Variants in ADK observed in about 807,000 individuals in gnomAD.
ADK encodes the protein adenosine kinase.
A neutral mutation model predicts 44.7 loss-of-function variants in ADK; 24 were observed. The ratio of observed to expected loss-of-function variants is 0.54; its 90% CI spans 0.39 to 0.76. The LOEUF (loss-of-function observed/expected upper bound fraction) is 0.76. Among genes scored for constraint, ADK ranks in the 30% least tolerant of loss-of-function variants. ADK has a pLI of 0.00. For synonymous variants in ADK, 128 were observed against 142.6 expected (o/e 0.90, Z 0.73); for missense variants, 321 against 425.1 (o/e 0.76, Z 2.15).
intron 4 of ADK, among the ~76,000 whole-genome samples, chr10:74,377,246 G>T (rs968485239): frequency 2.0e-5 from 3 of 152,194 alleles, no homozygotes; most frequent in African/African-American, 7.2e-5. Flanking sequence ...ATCTGGAAAA[G>T]AGAACTTTAT....
At chr10:74,511,172 G>C (rs1374279463) in intron 6 of ADK, among the ~76,000 whole-genome samples, 3 of 152,132 alleles carry the variant, frequency 2.0e-5, no homozygotes, top group Admixed American at 6.5e-5. Flanking sequence ...TTTTGCTGTA[G>C]ATAATGTGGA....
At chr10:74,425,967 T>A (rs780908721) in intron 6 of ADK, among the ~76,000 whole-genome samples, 1 of 152,190 alleles carries the variant, frequency 6.6e-6, no homozygotes, top group Admixed American at 6.5e-5. Context: ...TGGGGAAATA[T>A]AGAAAGAAAT....
At chr10:74,595,729 TCC>T (rs377744233) in intron 8 of ADK, among the ~76,000 whole-genome samples, 118,853 of 118,942 alleles carry the variant, frequency 1, 59,382 homozygotes, top group Middle Eastern at 1. Flanking sequence ...GTGTGGTGGC[TCC>T]CACGCCTGTA....
chr10:74,582,928 T>A (rs577778548), intron 7 of ADK, among the ~76,000 whole-genome samples: 1 of 152,334 alleles, frequency 6.6e-6, no homozygotes, highest in East Asian at 1.9e-4. Flanking sequence ...GAAATTTCTC[T>A]TAAAAGGGGT....
At chr10:74,295,393 C>G (rs769286925) in intron 3 of ADK, among the ~76,000 whole-genome samples, 1 of 151,318 alleles carries the variant, frequency 6.6e-6, no homozygotes, top group African/African-American at 2.4e-5. Context: ...ACCTGAGAGG[C>G]GGAGGTGGCA....
chr10:74,440,975 A>C (rs149136422), intron 6 of ADK, among the ~76,000 whole-genome samples: 1 of 152,170 alleles, frequency 6.6e-6, no homozygotes, highest in African/African-American at 2.4e-5. Flanking sequence ...GAAGAATAAG[A>C]TCTATTGTAA....
intron 6 of ADK, among the ~76,000 whole-genome samples, chr10:74,524,234 C>G (rs1347561930): frequency 1.3e-5 from 2 of 152,082 alleles, no homozygotes; most frequent in Non-Finnish European, 2.9e-5. Context: ...TGCAGCTTTC[C>G]TGACATGAAA....
At chr10:74,341,708 A>G (rs1005265938) in intron 4 of ADK, among the ~76,000 whole-genome samples, 1 of 152,042 alleles carries the variant, frequency 6.6e-6, no homozygotes, top group African/African-American at 2.4e-5. Flanking sequence ...ACTTGCTTGT[A>G]TAATATAAAT....
At chr10:74,235,966 CT>C (rs1436139255) in intron 3 of ADK, among the ~76,000 whole-genome samples, 1 of 152,168 alleles carries the variant, frequency 6.6e-6, no homozygotes, top group Non-Finnish European at 1.5e-5. Context: ...CAAGAAGTTG[CT>C]GAGCAGAAGC....
intron 3 of ADK, among the ~76,000 whole-genome samples, chr10:74,236,592 T>C (rs978664749): frequency 6.6e-6 from 1 of 152,236 alleles, no homozygotes; most frequent in African/African-American, 2.4e-5. Context: ...GCCAATTTTA[T>C]TGGTATAACA....
chr10:74,453,274 A>G (rs1166361543), intron 6 of ADK, among the ~76,000 whole-genome samples: 1 of 152,144 alleles, frequency 6.6e-6, no homozygotes, highest in Non-Finnish European at 1.5e-5. Context: ...TTTCTGTGTT[A>G]CTAAGAACAT....
intron 6 of ADK, among the ~76,000 whole-genome samples, chr10:74,454,190 C>G (rs1043375673): frequency 3.9e-5 from 6 of 152,038 alleles, no homozygotes; most frequent in African/African-American, 1.4e-4. Context: ...AAAATTGTTT[C>G]AGTTGTTTTC....
chr10:74,547,011 G>A (rs561490247), intron 7 of ADK, among the ~76,000 whole-genome samples: 1 of 151,938 alleles, frequency 6.6e-6, no homozygotes, highest in East Asian at 1.9e-4. Flanking sequence ...TTCCTTGTAG[G>A]GTTTTTCCCA....
chr10:74,704,489 G>T (rs1198282098), intron 10 of ADK, among the ~76,000 whole-genome samples: 2 of 152,084 alleles, frequency 1.3e-5, no homozygotes, highest in Non-Finnish European at 2.9e-5. Context: ...ACTTTTTGAA[G>T]ATTCCACTTA....
chr10:74,541,804 C>CT (rs1009900485), intron 7 of ADK, among the ~76,000 whole-genome samples: 2 of 137,198 alleles, frequency 1.5e-5, no homozygotes, highest in Non-Finnish European at 1.6e-5. Context: ...ACCCCCCCCC[C>CT]CTAAAAAAAA....
At chr10:74,675,253 G>A (rs953396486) in intron 10 of ADK, among the ~76,000 whole-genome samples, 1 of 152,104 alleles carries the variant, frequency 6.6e-6, no homozygotes, top group Admixed American at 6.5e-5. Context: ...CAGTACCAGA[G>A]TGCCATGTGT....
At chr10:74,272,215 CT>C (rs1271297091) in intron 3 of ADK, among the ~76,000 whole-genome samples, 1 of 151,610 alleles carries the variant, frequency 6.6e-6, no homozygotes, top group Non-Finnish European at 1.5e-5. Context: ...TCATCTATTT[CT>C]TTGAAAATGT....
intron 4 of ADK, among the ~76,000 whole-genome samples, chr10:74,388,276 T>C (rs1285528702): frequency 6.6e-6 from 1 of 152,234 alleles, no homozygotes; most frequent in Non-Finnish European, 1.5e-5. Flanking sequence ...CATTTTATAT[T>C]TGAAGAAATT....
chr10:74,605,497 G>A (rs1484653478), intron 9 of ADK, among the ~76,000 whole-genome samples: 7 of 152,080 alleles, frequency 4.6e-5, no homozygotes, highest in African/African-American at 1.7e-4. Context: ...ATCTATTGAG[G>A]TAATCATGTG....
Sources: allele counts gnomAD v4.1 joint callset (sites outside exome capture counted in the v4.1 genomes callset), GRCh38; gene constraint gnomAD v4.1.1; transcripts MANE v1.5; gene names NCBI Gene and HGNC (gene_info 2026-07-23, HGNC 2026-07-21).